GABRB1: variants seen among roughly 807,000 people sequenced by gnomAD.
GABRB1 encodes gamma-aminobutyric acid type A receptor subunit beta1.
Under a neutral mutation model 51.6 loss-of-function variants are expected in GABRB1, and 17 were observed. The observed-to-expected ratio is 0.33, with a 90% CI of 0.23 to 0.49. GABRB1 has a LOEUF of 0.49. GABRB1 is among the 20% of genes least tolerant of loss of function. The probability of loss-of-function intolerance (pLI) is 0.99; values close to 1 mark genes in which losing one functional copy is unlikely to be tolerated. For synonymous variants in GABRB1, 247 were observed against 218.9 expected, an observed-to-expected ratio of 1.13 and a Z score of -1.14; for missense variants, 410 against 600.6, an observed-to-expected ratio of 0.68 and a Z score of 3.32.
In GABRB1 at chr4:47,081,802, G is replaced by C. The variant is rs180766236; in HGVS notation, c.240+49318G>C. Among the ~76,000 whole-genome samples the C allele has an allele frequency of 2.6e-5, 4 of 152,088 alleles. No homozygotes were observed. The East Asian group carries it at 7.7e-4, about 29-fold the overall frequency. ...TTCATTAGTAGGGCAATATATATCT[G>C]GTTAAAATAAGGGGCTGTGTAACAA... On this transcript the variant is annotated intron_variant, in intron 3 of 8. Transcript: ENST00000295454.
At chr4:47,126,592 C>T (rs1317184559) in intron 3 of GABRB1, among the ~76,000 whole-genome samples, 1 of 151,914 alleles carries the variant, frequency 6.6e-6, no homozygotes, top group Non-Finnish European at 1.5e-5. Flanking sequence ...TCTGGACTTG[C>T]AGAAAAACAA....
At chr4:47,232,176 C>A (rs1721165261) in intron 4 of GABRB1, among the ~76,000 whole-genome samples, 1 of 152,098 alleles carries the variant, frequency 6.6e-6, no homozygotes, top group Non-Finnish European at 1.5e-5. Context: ...TCCCCAAAAC[C>A]AGAGCCGCTT....
chr4:47,243,125 C>A (rs1325100348), intron 4 of GABRB1, among the ~76,000 whole-genome samples: 1 of 152,164 alleles, frequency 6.6e-6, no homozygotes, highest in East Asian at 1.9e-4. Flanking sequence ...TTTCCCAGCA[C>A]CATTTATTAA....
At chr4:47,342,464 G>A (rs1004002734) in intron 5 of GABRB1, among the ~76,000 whole-genome samples, 5 of 152,018 alleles carry the variant, frequency 3.3e-5, no homozygotes, top group Admixed American at 6.6e-5. Context: ...GGAAAACTAT[G>A]GATAGAAAAA....
At chr4:47,259,689 G>T (rs1722349041) in intron 4 of GABRB1, among the ~76,000 whole-genome samples, 1 of 152,136 alleles carries the variant, frequency 6.6e-6, no homozygotes, top group Non-Finnish European at 1.5e-5. Context: ...ATCAGACCCA[G>T]ATTTTATAGG....
intron 5 of GABRB1, among the ~76,000 whole-genome samples, chr4:47,341,533 G>A (rs564810448): frequency 7.9e-5 from 12 of 152,268 alleles, no homozygotes; most frequent in African/African-American, 2.6e-4. Flanking sequence ...GTTAGTTAAT[G>A]AACAATGGTG....
chr4:47,063,223 G>A (rs575475034), intron 3 of GABRB1, among the ~76,000 whole-genome samples: 103 of 152,150 alleles, frequency 6.8e-4, no homozygotes, highest in African/African-American at 2.4e-3. Flanking sequence ...AGGCTCCCAG[G>A]TCAGAACCTA....
At chr4:47,249,473 T>C (rs1330064891) in intron 4 of GABRB1, among the ~76,000 whole-genome samples, 2 of 152,156 alleles carry the variant, frequency 1.3e-5, no homozygotes, top group Admixed American at 1.3e-4. Context: ...TTGAACAGAA[T>C]GTGTATTCTG....
At chr4:47,128,273 G>T (rs1258257357) in intron 3 of GABRB1, among the ~76,000 whole-genome samples, 3 of 151,760 alleles carry the variant, frequency 2.0e-5, no homozygotes, top group Non-Finnish European at 4.4e-5. Flanking sequence ...GGCTTTAACT[G>T]CTTGTACTAA....
chr4:47,383,051 A>G (rs1213934618), intron 5 of GABRB1, among the ~76,000 whole-genome samples: 1 of 152,246 alleles, frequency 6.6e-6, no homozygotes, highest in African/African-American at 2.4e-5. Flanking sequence ...TAAGCTATAG[A>G]TACAAACAAC....
chr4:47,361,988 G>GA (rs1392279200), intron 5 of GABRB1, among the ~76,000 whole-genome samples: 252 of 152,228 alleles, frequency 1.7e-3, no homozygotes, highest in Non-Finnish European at 3.2e-3. Context: ...TGGATAATTT[G>GA]CCTAGTGAGA....
chr4:47,071,798 C>A (rs1045334225), intron 3 of GABRB1, among the ~76,000 whole-genome samples: 3 of 151,982 alleles, frequency 2.0e-5, no homozygotes, highest in African/African-American at 7.2e-5. Flanking sequence ...TAAATGAACT[C>A]TTTTCCATTG....
chr4:47,018,786 T>C (rs1415673391), intron 1 of GABRB1, among the ~76,000 whole-genome samples: 1 of 152,172 alleles, frequency 6.6e-6, no homozygotes, highest in African/African-American at 2.4e-5. Flanking sequence ...TTCATCTTCA[T>C]TGTCTTTACA....
chr4:47,361,379 T>G (rs1233971822), intron 5 of GABRB1, among the ~76,000 whole-genome samples: 1 of 152,132 alleles, frequency 6.6e-6, no homozygotes, highest in East Asian at 1.9e-4. Context: ...AAAAGCTTTG[T>G]GGCAAGAGGA....
At chr4:47,187,302 T>C (rs1304536105) in intron 4 of GABRB1, among the ~76,000 whole-genome samples, 1 of 151,878 alleles carries the variant, frequency 6.6e-6, no homozygotes, top group African/African-American at 2.4e-5. Flanking sequence ...ACATTGGAAA[T>C]AGATGCATAC....
intron 3 of GABRB1, among the ~76,000 whole-genome samples, chr4:47,123,776 T>A (rs1239293962): frequency 1.1e-5 from 1 of 90,394 alleles, no homozygotes; most frequent in Non-Finnish European, 2.0e-5. Flanking sequence ...TTATATATCA[T>A]ATATTATTAT....
At chr4:47,376,118 C>G (rs1036761443) in intron 5 of GABRB1, among the ~76,000 whole-genome samples, 1 of 152,068 alleles carries the variant, frequency 6.6e-6, no homozygotes, top group African/African-American at 2.4e-5. Context: ...GAAATACTAT[C>G]CAAGAAGACT....
chr4:47,148,159 A>C (rs1162953154), intron 3 of GABRB1, among the ~76,000 whole-genome samples: 1 of 152,040 alleles, frequency 6.6e-6, no homozygotes, highest in Non-Finnish European at 1.5e-5. Context: ...ATGAAACAGA[A>C]ATGCCAGAAG....
intron 4 of GABRB1, among the ~76,000 whole-genome samples, chr4:47,222,167 G>A (rs577028409): frequency 6.6e-6 from 1 of 152,208 alleles, no homozygotes; most frequent in East Asian, 1.9e-4. Context: ...GTGTGTGCCA[G>A]GCTACTCACA....
Sources: allele counts gnomAD v4.1 joint callset (sites outside exome capture counted in the v4.1 genomes callset), GRCh38; gene constraint gnomAD v4.1.1; transcripts MANE v1.5; gene names NCBI Gene and HGNC (gene_info 2026-07-23, HGNC 2026-07-21).